CLPB: variants seen among roughly 807,000 people sequenced by gnomAD.
The protein encoded by CLPB is ClpB family mitochondrial disaggregase.
CLPB carries 40 observed loss-of-function variants against 78.4 expected under a neutral mutation model. The observed-to-expected ratio is 0.51, with a 90% CI of 0.40 to 0.66. The LOEUF (loss-of-function observed/expected upper bound fraction) is 0.66. Ranked by LOEUF, CLPB falls within the 30% of genes least tolerant of loss-of-function variation. The pLI is 0.00. For synonymous variants in CLPB, 333 were observed against 348.0 expected (o/e 0.96, Z 0.48); for missense variants, 780 against 886.9 (o/e 0.88, Z 1.53).
rs1202196712 is a variant in CLPB at position 72,286,230 on chromosome 11, T to TTTTGTTTTTTG, written c.*7136_*7137insCAAAAAACAAA. The TTTTGTTTTTTG allele has an allele frequency of 3.0e-5, 4 of 134,148 alleles. No homozygotes were observed. Among genetic ancestry groups the TTTTGTTTTTTG allele is most frequent in the South Asian group, 2.6e-4 (1 of 3,844 alleles). The allele number at this position is 134,148 out of a possible 1,614,324, so 8.3% of individuals were successfully genotyped here. On this transcript the variant is annotated 3_prime_UTR_variant, in exon 16 of 16. Transcript: ENST00000538039. ...GTGTGAGATACTGCACCTGTTTTTTTTTTTTTTTTTTTTTTTAAGAGATAG... is the reference window on the plus strand; with the variant it reads ...GTGTGAGATACTGCACCTGTTTTTTTTTTGTTTTTTGTTTTTTTTTTTTTTTTAAGAGATAG...
At chr11:72,310,427 C>G (rs1291880327) in intron 7 of CLPB, among the ~76,000 whole-genome samples, 1 of 152,132 alleles carries the variant, frequency 6.6e-6, no homozygotes, top group Non-Finnish European at 1.5e-5. Flanking sequence ...ATAAGGGGAA[C>G]CCACAGACCT....
At chr11:72,395,234 G>A (rs1330412812) in intron 3 of CLPB, among the ~76,000 whole-genome samples, 1 of 152,182 alleles carries the variant, frequency 6.6e-6, no homozygotes, top group African/African-American at 2.4e-5. Flanking sequence ...AACAAGGAGA[G>A]TGGCTTGTCT....
intron 3 of CLPB, among the ~76,000 whole-genome samples, chr11:72,388,250 C>CTTTTTT (rs60096746): frequency 7.2e-6 from 1 of 138,110 alleles, no homozygotes; most frequent in African/African-American, 2.8e-5. Flanking sequence ...TTCCCTTCCC[C>CTTTTTT]TTTTTTTTTT....
chr11:72,352,198 C>T (rs1047660574), intron 5 of CLPB, among the ~76,000 whole-genome samples: 3 of 152,216 alleles, frequency 2.0e-5, no homozygotes, highest in Admixed American at 1.3e-4. Context: ...CAAGAGTTGA[C>T]TCAAGCCCAT....
At chr11:72,327,383 C>T (rs1196494875) in intron 6 of CLPB, among the ~76,000 whole-genome samples, 2 of 152,202 alleles carry the variant, frequency 1.3e-5, no homozygotes, top group Non-Finnish European at 2.9e-5. Context: ...ATGTCTACTT[C>T]GAATATGGTG....
chr11:72,342,642 G>A (rs1950441485), intron 5 of CLPB, among the ~76,000 whole-genome samples: 1 of 152,126 alleles, frequency 6.6e-6, no homozygotes, highest in Non-Finnish European at 1.5e-5. Flanking sequence ...AAAGGCTCTG[G>A]ATAAAGCAGA....
In CLPB at chr11:72,286,709, G is replaced by GA. The variant is rs1355271960; in HGVS notation, c.*6657_*6658insT. 2 of 152,070 alleles carry GA rather than the reference G, an allele frequency of 1.3e-5. No homozygotes were observed. The highest frequency in any genetic ancestry group is 2.9e-5 in the Non-Finnish European group (2 of 68,026). 9.4% of individuals were successfully genotyped at this position (152,070 alleles called of 1,614,324 possible). A position where few individuals can be genotyped will look rare whatever the true frequency, so the allele number is the denominator to read the frequency against. On this transcript the variant is annotated 3_prime_UTR_variant, in exon 16 of 16. Transcript: ENST00000538039. ...GGCTGGTCTCGAACTCCAGACCTAG[G>GA]TGATCCACCTGCCTGGGCCTCCCAA...
At position 72,348,973 on chromosome 11, in the gene CLPB, G is replaced by A. The variant is rs561981536; in HGVS notation, c.775+9907C>T. ...AATAACTATAGAACTACATGTTATG[G>A]TAAAAGTGATAAATCATACAGGATG... On this transcript the variant is annotated intron_variant, in intron 5 of 15. Transcript: ENST00000538039. Among the ~76,000 whole-genome samples, 552 of 152,326 alleles carry A rather than the reference G, an allele frequency of 3.6e-3. 3 individuals carry two copies. Among genetic ancestry groups the A allele is most frequent in the Non-Finnish European group, 6.1e-3 (413 of 68,028 alleles).
At chr11:72,348,479 T>G (rs550244375) in intron 5 of CLPB, among the ~76,000 whole-genome samples, 1 of 152,186 alleles carries the variant, frequency 6.6e-6, no homozygotes, top group Non-Finnish European at 1.5e-5. Flanking sequence ...TCCTGGCTCC[T>G]GTGGACAGCT....
rs1450473570 is a variant in CLPB, at chr11:72,398,293, C to T, written c.542+4673G>A. Among the ~76,000 whole-genome samples, 3 of 152,338 alleles carry T rather than the reference C, an allele frequency of 2.0e-5. No homozygotes were observed. The East Asian group carries it at 5.8e-4, about 29-fold the overall frequency. ...ATCCTGCAAATGCCATCTGAAGGAGCTTCCCCAAGGGGGTCATGACTTTCA... is the reference window on the plus strand; with the variant it reads ...ATCCTGCAAATGCCATCTGAAGGAGTTTCCCCAAGGGGGTCATGACTTTCA... On this transcript the variant is annotated intron_variant, in intron 3 of 15. Coordinates refer to ENST00000538039, the MANE Select transcript of CLPB (RefSeq NM_001258392.3).
chr11:72,427,137 G>A (rs1856407097), intron 2 of CLPB, among the ~76,000 whole-genome samples: 1 of 152,230 alleles, frequency 6.6e-6, no homozygotes, highest in South Asian at 2.1e-4. Context: ...CAGGGCCCAT[G>A]GACTGAAGAT....
intron 6 of CLPB, among the ~76,000 whole-genome samples, chr11:72,320,904 G>A (rs753983492): frequency 6.6e-6 from 1 of 151,942 alleles, no homozygotes; most frequent in Non-Finnish European, 1.5e-5. Context: ...GTAGAGATGG[G>A]GTTTCACCAT....
chr11:72,417,674 G>C (rs112717791), intron 2 of CLPB, among the ~76,000 whole-genome samples: 3 of 152,318 alleles, frequency 2.0e-5, no homozygotes, highest in African/African-American at 7.2e-5. Context: ...AGGAGGCAGA[G>C]AGTGCCTCAT....
intron 1 of CLPB, 130 bp downstream of exon 1, chr11:72,433,942 T>C: frequency 8.8e-7 from 1 of 1,140,322 alleles, no homozygotes; most frequent in Non-Finnish European, 1.2e-6. Flanking sequence ...TGTAACCAGA[T>C]GATGTCTGAG....
Position 72,294,626 on chromosome 11 carries a change from G to C in CLPB, c.1554C>G (p.Ile518Met), listed in dbSNP as rs1485590424. 6.2e-7 allele frequency: 1 copy of C among 1,613,804 alleles called. No individual in the cohort carries two copies. The highest frequency in any genetic ancestry group is 8.5e-7 in the Non-Finnish European group (1 of 1,179,780). Residue 518 changes from isoleucine (I) to methionine (M), a missense_variant, in exon 13 of 16, where the codon ATC becomes ATG. Physicochemically the swap from Ile to Met is conservative, Grantham distance 10. This residue lies in a region of CLPB where 272 missense variants were observed against 304.0 expected (regional missense o/e 0.89). Transcript: ENST00000538039. ...KNFKENVIRP[I>M]LKAHFRRDEF... ...GCCAAGAAAGACCTCTTACTTTCAG[G>C]ATAGGGCGAATCACATTCTCCTTGA...
At chr11:72,430,468 C>T in intron 1 of CLPB, 105 bp from the exon 2 acceptor site, 4 of 886,770 alleles carry the variant, frequency 4.5e-6, no homozygotes, top group Non-Finnish European at 6.9e-6. Context: ...GAAACGTGGA[C>T]TTTGACAAGC....
rs1333003823 is a variant in CLPB, at chr11:72,434,379, A to T, written c.96T>A (p.Ala32=). The change falls in exon 1 of 16, where the codon GCT becomes GCA. Residue 32 remains alanine (A), a synonymous_variant. Coordinates refer to ENST00000538039, the MANE Select transcript of CLPB (RefSeq NM_001258392.3). ...RSPTLRGHGG[A]SGRNVTTGSL... is the part of the protein sequence containing the mutation. ...TCCCAGTAGTCACATTCCGGCCGGAAGCACCTCCATGGCCCCGGAGCGTTG... is the reference window on the plus strand; with the variant it reads ...TCCCAGTAGTCACATTCCGGCCGGATGCACCTCCATGGCCCCGGAGCGTTG... 1 of 1,611,610 alleles carries T rather than the reference A, an allele frequency of 6.2e-7. No individual in the cohort carries two copies. Among genetic ancestry groups the T allele is most frequent in the Non-Finnish European group, 8.5e-7 (1 of 1,178,776 alleles).
At chr11:72,338,563 T>C (rs963370622) in intron 5 of CLPB, among the ~76,000 whole-genome samples, 3 of 152,218 alleles carry the variant, frequency 2.0e-5, no homozygotes, top group Non-Finnish European at 4.4e-5. Flanking sequence ...GCCAAACTCA[T>C]CTTTGCCCAT....
At chr11:72,414,541 T>C (rs559718359) in intron 2 of CLPB, among the ~76,000 whole-genome samples, 2 of 152,312 alleles carry the variant, frequency 1.3e-5, no homozygotes, top group East Asian at 3.9e-4. Flanking sequence ...CCATAAAACC[T>C]GGCCTCCTCG....
Sources: gnomAD v4.1 joint callset for allele counts (sites outside exome capture counted in the v4.1 genomes callset) on GRCh38, gnomAD v4.1.1 for gene constraint, gnomAD v4.1.1 regional missense constraint, MANE v1.5 for transcripts, NCBI Gene and HGNC (gene_info 2026-07-23, HGNC 2026-07-21) for gene names.